SPRED1: variants seen among roughly 807,000 people sequenced by gnomAD.
SPRED1 encodes sprouty related EVH1 domain containing 1, also known as sprouty-related, EVH1 domain-containing protein 1.
SPRED1 carries 18 observed loss-of-function variants against 52.3 expected under a neutral mutation model. That is an observed-to-expected ratio of 0.34 (90% confidence interval 0.24 to 0.51). The LOEUF is 0.51. SPRED1 is among the 20% of genes least tolerant of loss of function. The pLI is 0.97. For missense variants in SPRED1, 485 were observed against 551.0 expected (o/e 0.88, Z 1.20); for synonymous variants, 155 against 179.7 (o/e 0.86, Z 1.10).
At chr15:38,259,779 G>T (rs16966532) in intron 1 of SPRED1, among the ~76,000 whole-genome samples, 6,299 of 152,194 alleles carry the variant, frequency 0.041, 440 homozygotes, top group African/African-American at 0.14. Flanking sequence ...CTCAGGTAAT[G>T]AATTTTGTTA....
At chr15:38,319,044 GA>G (rs1461284605) in intron 2 of SPRED1, among the ~76,000 whole-genome samples, 1 of 152,110 alleles carries the variant, frequency 6.6e-6, no homozygotes, top group Non-Finnish European at 1.5e-5. Flanking sequence ...TAAAATAGAA[GA>G]GGGGGCTAAT....
At chr15:38,320,503 A>G (rs190364960) in intron 2 of SPRED1, among the ~76,000 whole-genome samples, 122 of 152,280 alleles carry the variant, frequency 8.0e-4, no homozygotes, top group Non-Finnish European at 4.7e-4. Context: ...TTTTAAGAAA[A>G]ATTATTACTC....
At chr15:38,342,836 A>G (rs939203577) in intron 5 of SPRED1, among the ~76,000 whole-genome samples, 1 of 152,134 alleles carries the variant, frequency 6.6e-6, no homozygotes, top group African/African-American at 2.4e-5. Context: ...GAAATTTTCA[A>G]CCAGTAGCTC....
intron 4 of SPRED1, among the ~76,000 whole-genome samples, chr15:38,326,790 T>G (rs933580153): frequency 3.3e-5 from 5 of 152,118 alleles, no homozygotes; most frequent in African/African-American, 1.2e-4. Context: ...TTGAAAACAC[T>G]ATGCAGATGC....
chr15:38,296,274 C>T (rs1046572301), intron 1 of SPRED1, among the ~76,000 whole-genome samples: 1 of 152,024 alleles, frequency 6.6e-6, no homozygotes, highest in African/African-American at 2.4e-5. Context: ...GGACACTTTG[C>T]GTTTCAGACA....
intron 4 of SPRED1, among the ~76,000 whole-genome samples, chr15:38,332,102 G>GTGGA (rs1023165203): frequency 6.6e-6 from 1 of 152,182 alleles, no homozygotes; most frequent in Admixed American, 6.5e-5. Flanking sequence ...AGAGCACTGT[G>GTGGA]TGGATAGACT....
intron 2 of SPRED1, among the ~76,000 whole-genome samples, chr15:38,305,436 GT>G (rs1367784481): frequency 2.0e-5 from 3 of 150,362 alleles, no homozygotes; most frequent in African/African-American, 7.4e-5. Context: ...GCTAAGCACT[GT>G]TGTAGGCACT....
At chr15:38,256,378 G>A (rs1282188530) in intron 1 of SPRED1, among the ~76,000 whole-genome samples, 1 of 152,054 alleles carries the variant, frequency 6.6e-6, no homozygotes, top group Non-Finnish European at 1.5e-5. Flanking sequence ...TCTAAATAGA[G>A]TTTTAAACAT....
At chr15:38,350,280 G>A (rs924781591) in intron 6 of SPRED1, among the ~76,000 whole-genome samples, 3 of 151,974 alleles carry the variant, frequency 2.0e-5, no homozygotes, top group Non-Finnish European at 4.4e-5. Flanking sequence ...TCCTCACTTT[G>A]CCCTCACATG....
chr15:38,340,691 C>A (rs73400407), intron 5 of SPRED1, among the ~76,000 whole-genome samples: 6,614 of 152,120 alleles, frequency 0.043, 244 homozygotes, highest in African/African-American at 0.088. Flanking sequence ...TGCCACCACA[C>A]GTGGCTAATT....
rs373470977 is a variant in SPRED1, at chr15:38,273,473, CT to C, written c.32+20257del. The stretch of plus-strand genomic sequence containing the variant: ...CTCAGGATCAAATGAATATCATGAA[CT>C]AAGTTTTTTTAACCTTAGCCTTAAT... On this transcript the variant is annotated intron_variant, in intron 1 of 6. Transcript: ENST00000299084. Among the ~76,000 whole-genome samples the C allele has an allele frequency of 4.1e-3, 607 of 149,100 alleles. 4 individuals are homozygous for C. Among genetic ancestry groups the C allele is most frequent in the African/African-American group, 0.014 (588 of 40,674 alleles).
intron 1 of SPRED1, among the ~76,000 whole-genome samples, chr15:38,283,193 G>A (rs1379690714): frequency 6.6e-6 from 1 of 152,278 alleles, no homozygotes; most frequent in Non-Finnish European, 1.5e-5. Flanking sequence ...CTCACAAGGC[G>A]ACAGGAGGGA....
At chr15:38,339,077 C>T (rs1895978670) in intron 4 of SPRED1, among the ~76,000 whole-genome samples, 1 of 151,834 alleles carries the variant, frequency 6.6e-6, no homozygotes, top group Non-Finnish European at 1.5e-5. Context: ...GAAACAAAGC[C>T]CTTCCAGGAC....
chr15:38,279,251 T>A (rs113710626), intron 1 of SPRED1, among the ~76,000 whole-genome samples: 6 of 152,314 alleles, frequency 3.9e-5, no homozygotes, highest in African/African-American at 1.4e-4. Context: ...TGAATGTTAG[T>A]CAGTGACCAA....
At position 38,352,337 on chromosome 15, in the gene SPRED1, T is replaced by TA. The variant is rs1370154001; in HGVS notation, c.*674dup. The TA allele has an allele frequency of 2.0e-5, 3 of 152,490 alleles. No homozygotes were observed. The highest frequency in any genetic ancestry group is 2.9e-5 in the Non-Finnish European group (2 of 68,002). 9.4% of individuals were successfully genotyped at this position (152,490 alleles called of 1,614,324 possible). A position where few individuals can be genotyped will look rare whatever the true frequency, so the allele number is the denominator to read the frequency against. On this transcript the variant is annotated 3_prime_UTR_variant, in exon 7 of 7. Coordinates refer to ENST00000299084, the MANE Select transcript of SPRED1 (RefSeq NM_152594.3). Reference sequence around the variant, plus strand: ...TTTTTATTCCATGCGAATGATTTGATATTTTCATCCTTATTTCTCTTTGGC... The same window carrying TA: ...TTTTTATTCCATGCGAATGATTTGATAATTTTCATCCTTATTTCTCTTTGGC...
chr15:38,270,798 A>T (rs953654103), intron 1 of SPRED1, among the ~76,000 whole-genome samples: 2 of 152,030 alleles, frequency 1.3e-5, no homozygotes, highest in South Asian at 2.1e-4. Context: ...ATTTTAAATT[A>T]AAAAAATGTA....
At chr15:38,300,474 A>G (rs910322232) in intron 2 of SPRED1, among the ~76,000 whole-genome samples, 10 of 152,166 alleles carry the variant, frequency 6.6e-5, no homozygotes, top group Non-Finnish European at 1.5e-4. Context: ...TCTTCCATGC[A>G]TGAACAGTTT....
chr15:38,338,391 T>G (rs1176844876), intron 4 of SPRED1, among the ~76,000 whole-genome samples: 1 of 149,830 alleles, frequency 6.7e-6, no homozygotes, highest in Non-Finnish European at 1.5e-5. Context: ...CTGGAACAAA[T>G]AAATACGTTT....
intron 1 of SPRED1, among the ~76,000 whole-genome samples, chr15:38,253,467 A>C (rs1894025737): frequency 6.6e-6 from 1 of 152,112 alleles, no homozygotes. Flanking sequence ...TACGTCTATG[A>C]GAGGGAATAA....
Sources: allele counts gnomAD v4.1 joint callset (sites outside exome capture counted in the v4.1 genomes callset), GRCh38; gene constraint gnomAD v4.1.1; transcripts MANE v1.5; gene names NCBI Gene and HGNC (gene_info 2026-07-23, HGNC 2026-07-21).